Variants in FHOD1 observed in about 807,000 individuals in gnomAD.
The protein encoded by FHOD1 is formin homology 2 domain containing 1.
Under a neutral mutation model 111.6 loss-of-function variants are expected in FHOD1, and 89 were observed. That is an observed-to-expected ratio of 0.80 (90% CI 0.67 to 0.95). The LOEUF is 0.95. FHOD1 is among the 40% of genes least tolerant of loss of function. The pLI is 0.00. For synonymous variants in FHOD1, 618 were observed against 639.0 expected, an observed-to-expected ratio of 0.97 and a Z score of 0.50; for missense variants, 1,446 against 1,554.2, an observed-to-expected ratio of 0.93 and a Z score of 1.17.
chr16:67,246,673 TCAC>T (rs2034849137), intron 1 of FHOD1, among the ~76,000 whole-genome samples: 2 of 152,140 alleles, frequency 1.3e-5, no homozygotes, highest in Non-Finnish European at 2.9e-5. Flanking sequence ...GGGACTCCCC[TCAC>T]CCCGTGAAGT....
chr16:67,240,976 C>G (rs1281189505), intron 1 of FHOD1, among the ~76,000 whole-genome samples: 2 of 152,160 alleles, frequency 1.3e-5, no homozygotes, highest in African/African-American at 4.8e-5. Context: ...CAAGGGCTTC[C>G]AACTGGCCTT....
chr16:67,234,017 A>G lies in FHOD1; in HGVS notation c.1686T>C (p.Ser562=). 6.2e-7 allele frequency: 1 copy of G among 1,613,666 alleles called. No homozygotes were observed. ...DEDQDMLNVE[S]VEAGKDIPAP... ...CTGGGATGTCTTTCCCAGCCTCCAC[A>G]GACTCTACATTCAGCATGTCCTGGT... The change falls in exon 13 of 22, where the codon TCT becomes TCC. Residue 562 remains serine, a synonymous_variant. Transcript: ENST00000258201.
At position 67,237,271 on chromosome 16, in the gene FHOD1, C is replaced by T. The variant is rs2034522796; in HGVS notation, c.961G>A (p.Val321Ile). Residue 321 changes from valine to isoleucine, a missense_variant, in exon 9 of 22, where the codon GTC becomes ATC. Physicochemically the swap from Val to Ile is conservative, Grantham distance 29. This residue lies in a region of FHOD1 where 234 missense variants were observed against 327.4 expected (regional missense o/e 0.71). Coordinates refer to ENST00000258201, the MANE Select transcript of FHOD1 (RefSeq NM_013241.3). This position sits in a 1 kb window ranked among gnomAD's most constrained non-coding sequence, Gnocchi z 5.6. Reference protein sequence around the residue: ...QRHLGTAGTDVDLRTQLVLYE... With the variant: ...QRHLGTAGTDIDLRTQLVLYE... ...AGCACAAGCTGCGTGCGCAGGTCGA[C>T]GTCAGTGCCCGCAGTGCCCAGGTGG... 1 of 1,613,936 alleles carries T rather than the reference C, an allele frequency of 6.2e-7. No individual in the cohort carries two copies. The highest frequency in any genetic ancestry group is 1.3e-5 in the African/African-American group (1 of 75,066).
rs896590273 is a variant in FHOD1 at position 67,247,048 on chromosome 16, C to A, written c.201+162G>T. 35 of 773,484 alleles carry A rather than the reference C, an allele frequency of 4.5e-5. 1 individual carries two copies. In the South Asian group the frequency reaches 6.6e-4, roughly 15 times the overall value. The allele number at this position is 773,484 out of a possible 1,614,324, so 47.9% of individuals were successfully genotyped here. A position where few individuals can be genotyped will look rare whatever the true frequency, so the allele number is the denominator to read the frequency against. On this transcript the variant is annotated intron_variant, in intron 1 of 21. Transcript: ENST00000258201. Reference sequence around the variant, plus strand: ...AGTTTCCCCTCAACTTGAGAGGGGACTCCCCCGCAGGCGGGGCAGAGTGGA... The same window carrying A: ...AGTTTCCCCTCAACTTGAGAGGGGAATCCCCCGCAGGCGGGGCAGAGTGGA...
Position 67,238,361 on chromosome 16 carries a change from GC to G in FHOD1, c.441+18del, listed in dbSNP as rs2034570339. Reference sequence around the variant, plus strand: ...AGCTTGGGCTACACACTTACCCCCAGCCCACTGCGGGGCCTCACCTGGAAGA... The same window carrying G: ...AGCTTGGGCTACACACTTACCCCCAGCCACTGCGGGGCCTCACCTGGAAGA... On this transcript the variant is annotated intron_variant, in intron 4 of 21. Transcript: ENST00000258201. This position sits in a 1 kb window ranked among gnomAD's most constrained non-coding sequence, Gnocchi z 4.2. The G allele has an allele frequency of 6.2e-7, 1 of 1,614,086 alleles. No individual in the cohort carries two copies. Among genetic ancestry groups the G allele is most frequent in the Admixed American group, 1.7e-5 (1 of 60,014 alleles).
Position 67,238,351 on chromosome 16 carries a change from CT to C in FHOD1, c.441+28del, listed in dbSNP as rs1567392885. 3.1e-6 allele frequency: 5 copies of C among 1,614,066 alleles called. No homozygotes were observed. In the South Asian group the frequency reaches 5.5e-5, roughly 18 times the overall value. ...AGTTTAGGGAAGCTTGGGCTACACA[CT>C]TACCCCCAGCCCACTGCGGGGCCTC... On this transcript the variant is annotated intron_variant, in intron 4 of 21. Coordinates refer to ENST00000258201, the MANE Select transcript of FHOD1 (RefSeq NM_013241.3). This position sits in a 1 kb window ranked among gnomAD's most constrained non-coding sequence, Gnocchi z 4.2.
Position 67,237,236 on chromosome 16 carries a change from C to T in FHOD1, c.993+3G>A. On this transcript the variant is annotated splice_donor_region_variant and intron_variant, in intron 9 of 21. Coordinates refer to ENST00000258201, the MANE Select transcript of FHOD1 (RefSeq NM_013241.3). This position sits in a 1 kb window ranked among gnomAD's most constrained non-coding sequence, Gnocchi z 5.6. The stretch of plus-strand genomic sequence containing the variant: ...CCGCCTCAGAGCGTAAGGCCCGGCC[C>T]ACCTCGTAGAGCACAAGCTGCGTGC... 6.2e-7 allele frequency: 1 copy of T among 1,612,766 alleles called. No homozygotes were observed.
In FHOD1 at chr16:67,234,132, G is replaced by T; in HGVS notation, c.1571C>A (p.Pro524His). 1 of 1,571,708 alleles carries T rather than the reference G, an allele frequency of 6.4e-7. No individual in the cohort carries two copies. The highest frequency in any genetic ancestry group is 8.6e-7 in the Non-Finnish European group (1 of 1,156,502). The stretch of plus-strand genomic sequence containing the variant: ...GAGCTCCCAGATGGGCTCAGCCTTG[G>T]GGCTTGCTGGTATCAGTGGCTCCTT... ...EPKEPLIPASPKAEPIWELPT... is the reference protein window; with the variant it reads ...EPKEPLIPASHKAEPIWELPT... The change falls in exon 13 of 22, where the codon CCC becomes CAC. Residue 524 changes from proline to histidine, a missense_variant. Around this residue, in one of 3 missense-constraint regions of FHOD1, gnomAD observed 1,085 missense variants for 1,108.8 expected, o/e 0.98. Coordinates refer to ENST00000258201, the MANE Select transcript of FHOD1 (RefSeq NM_013241.3).
chr16:67,246,334 T>C (rs1178725831), intron 1 of FHOD1, among the ~76,000 whole-genome samples: 1 of 151,990 alleles, frequency 6.6e-6, no homozygotes, highest in Non-Finnish European at 1.5e-5. Flanking sequence ...GTGGAGGTGG[T>C]AGTGCGCCTC....
chr16:67,231,987 C>T lies in FHOD1; in HGVS notation c.2202+52G>A. ...CAGAGGGACAGGAAATGCCCACCTA[C>T]CAAAGGAGAAGGCCAGACCTCCCCC... On this transcript the variant is annotated intron_variant, in intron 14 of 21. Coordinates refer to ENST00000258201, the MANE Select transcript of FHOD1 (RefSeq NM_013241.3). The surrounding 1 kb of genome is among the most constrained non-coding windows in gnomAD (Gnocchi z 4.3). The T allele has an allele frequency of 1.9e-6, 3 of 1,603,502 alleles. No individual in the cohort carries two copies. Among genetic ancestry groups the T allele is most frequent in the Non-Finnish European group, 2.6e-6 (3 of 1,173,470 alleles).
rs755869068 is a variant in FHOD1, at chr16:67,230,364, G to A, written c.3001C>T (p.Gln1001Ter). The change falls in exon 19 of 22, where the codon CAG (glutamine) becomes TAG (stop). Residue 1001 changes from glutamine to a stop codon, truncating the protein, a stop_gained. Coordinates refer to ENST00000258201, the MANE Select transcript of FHOD1 (RefSeq NM_013241.3). LOFTEE classifies it high-confidence loss of function. ...TTGTTGCGCTCACGGTATGTGGCCT[G>A]CTTCTGCTGCTGCTGTAGCACTCGT... ...RERVLQQQQK[Q>*]ATYRERNKTR... The A allele has an allele frequency of 2.5e-6, 4 of 1,614,262 alleles. 1 individual carries two copies. The highest frequency in any genetic ancestry group is 3.4e-6 in the Non-Finnish European group (4 of 1,180,046).
In FHOD1 at chr16:67,239,275, A is replaced by G. The variant is rs2034600453; in HGVS notation, c.308+73T>C. Reference sequence around the variant, plus strand: ...GCTCAGGCTAGTGATCGAGTGTCTCAGCTGCTGACATTTGAGCTAGCCCCT... The same window carrying G: ...GCTCAGGCTAGTGATCGAGTGTCTCGGCTGCTGACATTTGAGCTAGCCCCT... On this transcript the variant is annotated intron_variant, in intron 2 of 21. Transcript: ENST00000258201. 2.6e-6 allele frequency: 3 copies of G among 1,169,276 alleles called. No individual in the cohort carries two copies. In the Admixed American group the frequency reaches 5.1e-5, roughly 20 times the overall value. The allele number at this position is 1,169,276 out of a possible 1,614,324, so 72.4% of individuals were successfully genotyped here.
intron 1 of FHOD1, among the ~76,000 whole-genome samples, chr16:67,240,965 C>G (rs2142298196): frequency 6.6e-6 from 1 of 152,268 alleles, no homozygotes; most frequent in African/African-American, 2.4e-5. Context: ...TGGACCCTGC[C>G]CAAGGGCTTC....
rs1433353176 is a variant in FHOD1 at position 67,229,781 on chromosome 16, G to A, written c.3412+12C>T. ...GTTCAGGTGGGCAGTGGGATTGTGG[G>A]GGGTTACTTACAAGACTTGCGGTTG... On this transcript the variant is annotated intron_variant, in intron 21 of 21. Transcript: ENST00000258201. The A allele has an allele frequency of 4.3e-6, 7 of 1,614,106 alleles. No individual in the cohort carries two copies. In the Admixed American group the frequency reaches 1.2e-4, roughly 27 times the overall value.
In FHOD1 at chr16:67,231,899, A is replaced by C. The variant is rs2034292200; in HGVS notation, c.2203-80T>G. ...AGGCATTGGTCTTGACCCCTCAGTC[A>C]TCTAGGGGAGGCCCCAGTGTCTGGG... On this transcript the variant is annotated intron_variant, in intron 14 of 21. Transcript: ENST00000258201. This position sits in a 1 kb window ranked among gnomAD's most constrained non-coding sequence, Gnocchi z 4.3. 3 of 1,547,714 alleles carry C rather than the reference A, an allele frequency of 1.9e-6. No individual in the cohort carries two copies.
chr16:67,246,442 G>A (rs1471764702), intron 1 of FHOD1, among the ~76,000 whole-genome samples: 1 of 152,198 alleles, frequency 6.6e-6, no homozygotes, highest in African/African-American at 2.4e-5. Flanking sequence ...TGGCCATCTG[G>A]AAAAGGGCCT....
At chr16:67,232,864 C>T (rs2034331635) in intron 13 of FHOD1, among the ~76,000 whole-genome samples, 1 of 150,076 alleles carries the variant, frequency 6.7e-6, no homozygotes, top group African/African-American at 2.5e-5. Context: ...TCAAGCAATT[C>T]TTTTGCCTCA....
At position 67,231,030 on chromosome 16, in the gene FHOD1, G is replaced by C; in HGVS notation, c.2667+158C>G. The C allele has an allele frequency of 1.9e-6, 2 of 1,031,018 alleles. No individual in the cohort carries two copies. Among genetic ancestry groups the C allele is most frequent in the Non-Finnish European group, 2.8e-6 (2 of 717,156 alleles). The allele number at this position is 1,031,018 out of a possible 1,614,324, so 63.9% of individuals were successfully genotyped here. A position where few individuals can be genotyped will look rare whatever the true frequency, so the allele number is the denominator to read the frequency against. ...GAGTAGGTGTGGCCAGGCCAATAGA[G>C]GAAAGAGCATTTCTGGCAGAGGGCA... On this transcript the variant is annotated intron_variant, in intron 17 of 21. Coordinates refer to ENST00000258201, the MANE Select transcript of FHOD1 (RefSeq NM_013241.3). The surrounding 1 kb of genome is among the most constrained non-coding windows in gnomAD (Gnocchi z 4.3).
Position 67,243,408 on chromosome 16 carries a change from C to T in FHOD1, c.201+3802G>A, listed in dbSNP as rs374218238. Among the ~76,000 whole-genome samples the T allele has an allele frequency of 1.5e-4, 23 of 151,312 alleles. No individual in the cohort carries two copies. In the South Asian group the frequency reaches 3.8e-3, roughly 25 times the overall value. On this transcript the variant is annotated intron_variant, in intron 1 of 21. Coordinates refer to ENST00000258201, the MANE Select transcript of FHOD1 (RefSeq NM_013241.3). Reference sequence around the variant, plus strand: ...TTTTTTTTTTTAATAGAAATAGGGTCTCGCTATATCACCCACACTGTTCTT... The same window carrying T: ...TTTTTTTTTTTAATAGAAATAGGGTTTCGCTATATCACCCACACTGTTCTT...
Sources: gnomAD v4.1 joint callset for allele counts (sites outside exome capture counted in the v4.1 genomes callset) on GRCh38, gnomAD v4.1.1 for gene constraint, gnomAD v4.1.1 regional missense constraint, Gnocchi (gnomAD v3.1) non-coding constraint, MANE v1.5 for transcripts, NCBI Gene and HGNC (gene_info 2026-07-23, HGNC 2026-07-21) for gene names.